PIWIL3: variants seen among roughly 807,000 people sequenced by gnomAD.
PIWIL3 encodes piwi like RNA-mediated gene silencing 3, also known as piwi-like protein 3.
Under a neutral mutation model 109.7 loss-of-function variants are expected in PIWIL3, and 101 were observed. The ratio of observed to expected loss-of-function variants is 0.92; its 90% CI spans 0.78 to 1.09. PIWIL3 has a LOEUF of 1.09. PIWIL3 is among the 50% of genes least tolerant of loss of function. PIWIL3 has a pLI of 0.00. For synonymous variants in PIWIL3, 373 were observed against 376.4 expected (o/e 0.99, Z 0.10); for missense variants, 1,031 against 1,072.6 (o/e 0.96, Z 0.54).
intron 18 of PIWIL3, 116 bp from the exon 19 acceptor site, chr22:24,723,371 C>G: frequency 9.8e-7 from 1 of 1,015,808 alleles, no homozygotes; most frequent in Non-Finnish European, 1.4e-6. Flanking sequence ...AGACAGCAGC[C>G]CTCCTTACAC....
chr22:24,756,663 C>G lies in PIWIL3; in HGVS notation c.398G>C (p.Arg133Pro). ...AACCCACTGAGGACGAGATATCACTCGGAAGTGGTTGGCGAGTAGCTGTAC... is the reference window on the plus strand; with the variant it reads ...AACCCACTGAGGACGAGATATCACTGGGAAGTGGTTGGCGAGTAGCTGTAC... ...TVVQLLANHF[R>P]VISRPQWVAY... The change falls in exon 5 of 21, where the codon CGA (arginine) becomes CCA (proline). Residue 133 changes from arginine to proline, a missense_variant. Physicochemically the swap from Arg to Pro is moderately radical, Grantham distance 103. Coordinates refer to ENST00000616349, the MANE Select transcript of PIWIL3 (RefSeq NM_001255975.1). The G allele has an allele frequency of 1.2e-6, 2 of 1,614,028 alleles. No homozygotes were observed. The highest frequency in any genetic ancestry group is 1.1e-5 in the South Asian group (1 of 91,038).
chr22:24,750,985 G>A (rs796342727), intron 9 of PIWIL3, among the ~76,000 whole-genome samples: 45 of 151,802 alleles, frequency 3.0e-4, no homozygotes, highest in African/African-American at 9.2e-4. Flanking sequence ...TTAGCCAGGC[G>A]TGGTGGCAGG....
chr22:24,770,678 A>AAAAAAAT (rs1555914379), intron 1 of PIWIL3, among the ~76,000 whole-genome samples: 1 of 142,476 alleles, frequency 7.0e-6, no homozygotes. Context: ...AAAAAAAAAA[A>AAAAAAAT]ACAAAAATTA....
intron 8 of PIWIL3, among the ~76,000 whole-genome samples, chr22:24,751,872 T>A (rs1924731456): frequency 6.6e-6 from 1 of 152,266 alleles, no homozygotes; most frequent in Non-Finnish European, 1.5e-5. Context: ...TCACTTAGCA[T>A]CATGTTTAAG....
At chr22:24,732,620 G>A (rs919790362) in intron 14 of PIWIL3, among the ~76,000 whole-genome samples, 5 of 152,084 alleles carry the variant, frequency 3.3e-5, no homozygotes, top group East Asian at 1.9e-4. Flanking sequence ...TCAGGAGATC[G>A]AGACCATCCT....
chr22:24,755,554 A>G (rs1158656022), intron 6 of PIWIL3, among the ~76,000 whole-genome samples: 2 of 145,294 alleles, frequency 1.4e-5, no homozygotes, highest in African/African-American at 5.0e-5. Context: ...CTAGGCAGGT[A>G]TGAGACAAAG....
At chr22:24,743,243 C>G (rs1166161765) in intron 12 of PIWIL3, among the ~76,000 whole-genome samples, 1 of 152,148 alleles carries the variant, frequency 6.6e-6, no homozygotes, top group Non-Finnish European at 1.5e-5. Context: ...TTTTATACAG[C>G]TGGTGGGAAT....
chr22:24,747,113 A>C (rs551177948), intron 12 of PIWIL3, among the ~76,000 whole-genome samples: 32 of 152,330 alleles, frequency 2.1e-4, no homozygotes, highest in African/African-American at 7.7e-4. Context: ...ATGGCATGGT[A>C]CTGGCATAAA....
chr22:24,731,556 C>T (rs1467559195), intron 14 of PIWIL3, among the ~76,000 whole-genome samples: 1 of 151,272 alleles, frequency 6.6e-6, no homozygotes, highest in Non-Finnish European at 1.5e-5. Flanking sequence ...GAGGCTGAGG[C>T]AGGAGAATGG....
chr22:24,765,299 CT>C, intron 1 of PIWIL3, among the ~76,000 whole-genome samples: 1 of 152,230 alleles, frequency 6.6e-6, no homozygotes, highest in Admixed American at 6.5e-5. Flanking sequence ...ACTCCCTCCC[CT>C]CTCCCCCATT....
intron 12 of PIWIL3, among the ~76,000 whole-genome samples, chr22:24,745,611 T>C (rs142810492): frequency 5.7e-4 from 83 of 145,014 alleles, no homozygotes; most frequent in African/African-American, 1.9e-3. Context: ...ATGAAGATCA[T>C]AGAGCCAAGA....
chr22:24,757,557 G>A (rs1330100841), intron 4 of PIWIL3, among the ~76,000 whole-genome samples: 1 of 102,456 alleles, frequency 9.8e-6, no homozygotes, highest in Non-Finnish European at 2.2e-5. Flanking sequence ...AGGCCCAGGT[G>A]TAAGGATGGC....
intron 12 of PIWIL3, among the ~76,000 whole-genome samples, chr22:24,748,679 C>T (rs1924514826): frequency 6.6e-6 from 1 of 152,108 alleles, no homozygotes; most frequent in Non-Finnish European, 1.5e-5. Flanking sequence ...TTCCAAATGC[C>T]ATGAGCAATT....
At chr22:24,722,706 A>T (rs1393905642) in intron 19 of PIWIL3, among the ~76,000 whole-genome samples, 1 of 152,088 alleles carries the variant, frequency 6.6e-6, no homozygotes, top group Admixed American at 6.5e-5. Flanking sequence ...GCAACAGAGC[A>T]AGACTCCATC....
intron 4 of PIWIL3, among the ~76,000 whole-genome samples, chr22:24,757,675 C>CATATATATAAAATATATATATATT (rs1925160990): frequency 6.9e-6 from 1 of 144,842 alleles, no homozygotes; most frequent in Non-Finnish European, 1.5e-5. Context: ...CACACACACA[C>CATATATATAAAATATATATATATT]ACACACACAC....
chr22:24,772,546 G>T (rs559995325), intron 1 of PIWIL3, among the ~76,000 whole-genome samples: 12 of 152,316 alleles, frequency 7.9e-5, no homozygotes, highest in African/African-American at 2.4e-4. Context: ...AAAGAGCTCA[G>T]CAGGTGCTGA....
chr22:24,741,513 A>AC (rs1569102679), intron 12 of PIWIL3, among the ~76,000 whole-genome samples: 1 of 152,194 alleles, frequency 6.6e-6, no homozygotes, highest in African/African-American at 2.4e-5. Context: ...CAAAAAAACA[A>AC]AAACAAACAA....
At chr22:24,748,820 A>T in intron 12 of PIWIL3, 87 bp downstream of exon 12, 1 of 979,258 alleles carries the variant, frequency 1.0e-6, no homozygotes, top group South Asian at 1.6e-5. Context: ...CAGCAGTCGT[A>T]GTCATTACTG....
In PIWIL3 at chr22:24,727,933, T is replaced by C. The variant is rs149585512; in HGVS notation, c.2009+17A>G. 269 of 1,586,298 alleles carry C rather than the reference T, an allele frequency of 1.7e-4. No individual in the cohort carries two copies. In the African/African-American group the frequency reaches 3.2e-3, roughly 19 times the overall value. ...CAGTCAGCTACTAACTAAACATGTC[T>C]ACCAGAGCTTACTTACTTTGTTAAT... On this transcript the variant is annotated intron_variant, in intron 16 of 20. Coordinates refer to ENST00000616349, the MANE Select transcript of PIWIL3 (RefSeq NM_001255975.1).
Sources: gnomAD v4.1 joint callset for allele counts (sites outside exome capture counted in the v4.1 genomes callset) on GRCh38, gnomAD v4.1.1 for gene constraint, MANE v1.5 for transcripts, NCBI Gene and HGNC (gene_info 2026-07-23, HGNC 2026-07-21) for gene names.